The following MLIP variants were observed in gnomAD, a reference collection of about 807,000 sequenced individuals.
MLIP encodes the protein muscular LMNA interacting protein.
Under a neutral mutation model 84.8 loss-of-function variants are expected in MLIP, and 79 were observed. The ratio of observed to expected loss-of-function variants is 0.93; its 90% CI spans 0.78 to 1.12. The LOEUF (loss-of-function observed/expected upper bound fraction) is 1.12, where lower values mean the gene tolerates loss of function less well. MLIP is among the 50% of genes most tolerant of loss of function. MLIP has a pLI of 0.00. For synonymous variants in MLIP, 504 were observed against 463.0 expected (o/e 1.09, Z -1.14); for missense variants, 1,257 against 1,160.6 (o/e 1.08, Z -1.21).
chr6:54,216,774 A>C, intron 11 of MLIP: 1 of 985,434 alleles, frequency 1.0e-6, no homozygotes, highest in Non-Finnish European at 1.2e-6. Context: ...GTTTCTAAGC[A>C]AGAAGATATG....
At chr6:54,096,371 G>A (rs115004233) in intron 1 of MLIP, among the ~76,000 whole-genome samples, 390 of 152,308 alleles carry the variant, frequency 2.6e-3, no homozygotes, top group South Asian at 5.0e-3. Context: ...TAGTATGGTA[G>A]ACACAGAAAT....
At chr6:54,185,969 C>T (rs1424368651) in intron 9 of MLIP, among the ~76,000 whole-genome samples, 10 of 152,290 alleles carry the variant, frequency 6.6e-5, no homozygotes, top group African/African-American at 2.4e-4. Flanking sequence ...AAGCGGAGCA[C>T]TTAGCCAAGA....
intron 1 of MLIP, among the ~76,000 whole-genome samples, chr6:54,115,233 G>C (rs534025937): frequency 6.6e-6 from 1 of 152,222 alleles, no homozygotes; most frequent in African/African-American, 2.4e-5. Flanking sequence ...AAATAGAGTA[G>C]GTAGGGGATT....
chr6:54,209,320 G>C (rs1189178767), intron 11 of MLIP, among the ~76,000 whole-genome samples: 1 of 152,160 alleles, frequency 6.6e-6, no homozygotes, highest in African/African-American at 2.4e-5. Flanking sequence ...GAGCAACCAA[G>C]AGAAGGCATA....
At chr6:54,111,731 G>A (rs1408977379) in intron 1 of MLIP, among the ~76,000 whole-genome samples, 156 bp downstream of exon 1, 1 of 152,178 alleles carries the variant, frequency 6.6e-6, no homozygotes, top group African/African-American at 2.4e-5. Flanking sequence ...AGAGAAAAGG[G>A]TGAGCTGATA....
chr6:54,172,273 G>T (rs1167155861), intron 9 of MLIP, among the ~76,000 whole-genome samples: 2 of 151,350 alleles, frequency 1.3e-5, no homozygotes, highest in East Asian at 1.9e-4. Flanking sequence ...AAATTTAAAA[G>T]GTATAGTATA....
At chr6:54,142,869 A>T (rs561474507) in intron 4 of MLIP, among the ~76,000 whole-genome samples, 1 of 152,250 alleles carries the variant, frequency 6.6e-6, no homozygotes, top group African/African-American at 2.4e-5. Context: ...AGTAACAAAC[A>T]TTCACCAAAC....
chr6:54,117,559 C>A (rs1407259270), intron 1 of MLIP, among the ~76,000 whole-genome samples: 4 of 151,990 alleles, frequency 2.6e-5, no homozygotes, highest in Middle Eastern at 3.4e-3. Context: ...GTCCTAGCCA[C>A]AGCAATTAGG....
chr6:54,150,977 T>C (rs1696298086), intron 5 of MLIP, among the ~76,000 whole-genome samples: 1 of 152,192 alleles, frequency 6.6e-6, no homozygotes, highest in Non-Finnish European at 1.5e-5. Flanking sequence ...AAACATTCTG[T>C]AGGAAAATTA....
At chr6:54,173,837 A>AT (rs958396235) in intron 9 of MLIP, among the ~76,000 whole-genome samples, 11 of 151,234 alleles carry the variant, frequency 7.3e-5, no homozygotes, top group African/African-American at 2.4e-4. Context: ...AATTCTTTCT[A>AT]TTTTTTTTGT....
At chr6:54,211,633 G>C (rs150805424) in intron 11 of MLIP, among the ~76,000 whole-genome samples, 2 of 152,218 alleles carry the variant, frequency 1.3e-5, no homozygotes, top group Non-Finnish European at 2.9e-5. Flanking sequence ...AGTGAAATGA[G>C]GGGATGGCAC....
At chr6:54,219,906 T>A (rs886800722) in intron 11 of MLIP, among the ~76,000 whole-genome samples, 3 of 152,162 alleles carry the variant, frequency 2.0e-5, no homozygotes, top group Non-Finnish European at 4.4e-5. Flanking sequence ...AGACATACGA[T>A]TTATCATTTT....
At chr6:54,121,375 T>C in intron 1 of MLIP, 72 bp from the exon 2 acceptor site, 1 of 1,466,550 alleles carries the variant, frequency 6.8e-7, no homozygotes, top group Non-Finnish European at 9.4e-7. Context: ...ATAAATATCA[T>C]GTCATATGGA....
rs6934690 is a variant in MLIP, at chr6:54,189,888, T to A, written c.2563T>A (p.Ser855Thr). ...TTTGCAGGCAAATCTCTCCTCACCA[T>A]CTTCTACAGTATCTGAGAGTCAGCT... The part of the protein sequence containing the change: ...ETKYANLSSP[S>T]STVSESQLTK... Residue 855 changes from serine to threonine, a missense_variant, in exon 10 of 14, where the codon TCT becomes ACT. By Grantham distance (58) the Ser-to-Thr change is moderately conservative. Transcript: ENST00000502396. 1,463,637 of 1,601,458 alleles carry A rather than the reference T, an allele frequency of 0.91. 672,990 individuals are homozygous for A. The highest frequency in any genetic ancestry group is 0.94 in the Non-Finnish European group (1,105,015 of 1,169,808).
At chr6:54,227,528 G>A (rs977822337) in intron 11 of MLIP, among the ~76,000 whole-genome samples, 7 of 152,172 alleles carry the variant, frequency 4.6e-5, no homozygotes, top group African/African-American at 1.7e-4. Context: ...CCACGCCAAA[G>A]CGCATACTGG....
intron 11 of MLIP, among the ~76,000 whole-genome samples, chr6:54,225,456 T>C (rs1233801795): frequency 3.3e-5 from 5 of 152,200 alleles, no homozygotes; most frequent in Non-Finnish European, 7.3e-5. Flanking sequence ...TTGGCTGAAA[T>C]GTCATTATGC....
At chr6:54,254,747 CCTTCCTT>C (rs1782881671) in intron 12 of MLIP, among the ~76,000 whole-genome samples, 1 of 138,924 alleles carries the variant, frequency 7.2e-6, no homozygotes, top group Admixed American at 7.3e-5. Context: ...TCCCTCCCTT[CCTTCCTT>C]CCTTCCTTCC....
rs186333952 is a variant in MLIP at position 54,119,438 on chromosome 6, A to G, written c.97-2009A>G. Among the ~76,000 whole-genome samples, 370 of 152,336 alleles carry G rather than the reference A, an allele frequency of 2.4e-3. 1 individual carries two copies. The highest frequency in any genetic ancestry group is 4.0e-3 in the Non-Finnish European group (270 of 68,020). ...GTTAAGTGGAATAAGCCAGTTATAG[A>G]AAGACAAATACTGCATGATCTCACT... On this transcript the variant is annotated intron_variant, in intron 1 of 13. Transcript: ENST00000502396.
intron 9 of MLIP, among the ~76,000 whole-genome samples, chr6:54,175,935 A>G (rs1260900368): frequency 2.6e-5 from 4 of 151,954 alleles, no homozygotes; most frequent in African/African-American, 9.7e-5. Flanking sequence ...AGAGTTTTTT[A>G]ATCATGAAGG....
Sources: gnomAD v4.1 joint callset for allele counts (sites outside exome capture counted in the v4.1 genomes callset) on GRCh38, gnomAD v4.1.1 for gene constraint, MANE v1.5 for transcripts, NCBI Gene and HGNC (gene_info 2026-07-23, HGNC 2026-07-21) for gene names.